Variants in RELN observed in about 807,000 individuals in gnomAD.
The protein encoded by RELN is reelin.
Under a neutral mutation model 427.6 loss-of-function variants are expected in RELN, and 108 were observed. The ratio of observed to expected loss-of-function variants is 0.25; its 90% CI spans 0.22 to 0.30. The LOEUF (loss-of-function observed/expected upper bound fraction) is 0.30. Among genes scored for constraint, RELN ranks in the 10% least tolerant of loss-of-function variants. The probability of loss-of-function intolerance (pLI) is 1.00; values close to 1 mark genes in which losing one functional copy is unlikely to be tolerated. For synonymous variants in RELN, 1,524 were observed against 1,513.4 expected (o/e 1.01, Z -0.16); for missense variants, 3,715 against 4,302.8 (o/e 0.86, Z 3.82).
intron 51 of RELN, among the ~76,000 whole-genome samples, chr7:103,508,542 C>T (rs1829292794): frequency 1.3e-5 from 2 of 152,192 alleles, no homozygotes; most frequent in Non-Finnish European, 2.9e-5. Context: ...CAGCCAATAT[C>T]ATACTGAATG....
At chr7:103,500,697 A>G (rs759664231) in intron 53 of RELN, 48 bp downstream of exon 53, 4 of 1,598,226 alleles carry the variant, frequency 2.5e-6, no homozygotes, top group East Asian at 2.2e-5. Context: ...GTTCCTAGGC[A>G]TGACCCATGA....
intron 4 of RELN, among the ~76,000 whole-genome samples, chr7:103,773,772 C>T (rs1417457257): frequency 2.0e-5 from 3 of 151,880 alleles, no homozygotes; most frequent in Non-Finnish European, 4.4e-5. Context: ...GCGCGGCCTC[C>T]TCTCCTTTTC....
At chr7:103,986,984 T>A (rs1007129587) in intron 1 of RELN, among the ~76,000 whole-genome samples, 19 of 147,866 alleles carry the variant, frequency 1.3e-4, no homozygotes, top group South Asian at 2.2e-4. Context: ...CTGAATTTTT[T>A]AAATTAATTT....
At chr7:103,477,777 T>C (rs1828087075) in intron 64 of RELN, among the ~76,000 whole-genome samples, 1 of 152,230 alleles carries the variant, frequency 6.6e-6, no homozygotes, top group African/African-American at 2.4e-5. Context: ...TTTTGCCTTC[T>C]TAAATTTTAA....
intron 40 of RELN, among the ~76,000 whole-genome samples, chr7:103,551,669 G>C (rs1411776479): frequency 6.6e-6 from 1 of 152,006 alleles, no homozygotes; most frequent in African/African-American, 2.4e-5. Flanking sequence ...CCCCCATCTA[G>C]GTAGGATACC....
At chr7:103,779,979 G>A (rs1378441429) in intron 3 of RELN, among the ~76,000 whole-genome samples, 3 of 152,208 alleles carry the variant, frequency 2.0e-5, no homozygotes, top group Non-Finnish European at 4.4e-5. Flanking sequence ...GCCTGCCTCA[G>A]CCTCCCAAAG....
Position 103,749,460 on chromosome 7 carries a change from A to G in RELN, c.622T>C (p.Ser208Pro). ...GGATTTAATTGCAGTTGGTGGTAGG[A>G]GTCAAAGTCATCTCTCAGGATAATG... ...DSIILRDDFD[S>P]YHQLQLNPNI... is the part of the protein sequence containing the mutation. Residue 208 changes from serine to proline, a missense_variant, in exon 6 of 65, where the codon TCC (serine) becomes CCC (proline). By Grantham distance (74) the Ser-to-Pro change is moderately conservative (BLOSUM62 -1). Transcript: ENST00000428762. The G allele has an allele frequency of 6.2e-7, 1 of 1,613,232 alleles. No individual in the cohort carries two copies. The highest frequency in any genetic ancestry group is 8.5e-7 in the Non-Finnish European group (1 of 1,179,250).
intron 3 of RELN, among the ~76,000 whole-genome samples, chr7:103,831,081 T>C (rs918404379): frequency 5.3e-5 from 8 of 152,170 alleles, no homozygotes; most frequent in African/African-American, 1.9e-4. Flanking sequence ...AGTGAGATCA[T>C]AAGCTATCAA....
chr7:103,915,744 TTTTG>T (rs1214436717), intron 2 of RELN, among the ~76,000 whole-genome samples: 2 of 152,186 alleles, frequency 1.3e-5, no homozygotes, highest in African/African-American at 4.8e-5. Context: ...ACTAAAAAAA[TTTTG>T]TTTACCTAAA....
chr7:103,649,652 C>A (rs1007115964), intron 16 of RELN, among the ~76,000 whole-genome samples: 1 of 151,834 alleles, frequency 6.6e-6, no homozygotes, highest in African/African-American at 2.4e-5. Flanking sequence ...ACATGCAACC[C>A]AAGAGCTTAA....
chr7:103,569,682 C>T lies in RELN; in HGVS notation c.4588+2502G>A, dbSNP rs111507308. On this transcript the variant is annotated intron_variant, in intron 31 of 64. Coordinates refer to ENST00000428762, the MANE Select transcript of RELN (RefSeq NM_005045.4). The surrounding 1 kb of genome is among the most constrained non-coding windows in gnomAD (Gnocchi z 4.0). ...AACAAGGTCTGCAGAGATGAGGGCC[C>T]CAATTCCAAAGGACAAAGAAGGAGA... 0.02 allele frequency among the ~76,000 whole-genome samples: 3,027 copies of T among 152,176 alleles called. 47 individuals are homozygous for T. Among genetic ancestry groups the T allele is most frequent in the Middle Eastern group, 0.037 (11 of 294 alleles).
At chr7:103,669,121 A>G (rs181986593) in intron 11 of RELN, among the ~76,000 whole-genome samples, 15 of 152,278 alleles carry the variant, frequency 9.9e-5, no homozygotes, top group Admixed American at 5.9e-4. Flanking sequence ...TAAGTCTGAC[A>G]TATCCATTTT....
intron 1 of RELN, among the ~76,000 whole-genome samples, chr7:103,927,089 C>T (rs1795761813): frequency 6.6e-6 from 1 of 152,110 alleles, no homozygotes; most frequent in South Asian, 2.1e-4. Context: ...ATATGGCATA[C>T]AAATGATTAA....
At chr7:103,793,052 G>C (rs1053092143) in intron 3 of RELN, among the ~76,000 whole-genome samples, 2 of 152,078 alleles carry the variant, frequency 1.3e-5, no homozygotes, top group Non-Finnish European at 2.9e-5. Context: ...GGTGACCCAA[G>C]GAAACTATAA....
chr7:103,825,796 T>C (rs1376390930), intron 3 of RELN, among the ~76,000 whole-genome samples: 4 of 152,128 alleles, frequency 2.6e-5, no homozygotes, highest in Non-Finnish European at 1.5e-5. Flanking sequence ...TTAATTTTAA[T>C]GAATTCAAAC....
intron 1 of RELN, among the ~76,000 whole-genome samples, chr7:103,938,682 C>T (rs1021302176): frequency 6.6e-6 from 1 of 152,162 alleles, no homozygotes; most frequent in African/African-American, 2.4e-5. Context: ...ATACAGGAAT[C>T]GTAGTCTGAC....
chr7:103,545,164 TA>T lies in RELN; in HGVS notation c.6482del (p.Ile2161LysfsTer17). The stretch of plus-strand genomic sequence containing the variant: ...TGAGAAAATCAGGATTTTTGGTGCT[TA>T]TTTTACAGGTTGGACCTGAGTAGCC... ...DPGYSGPTCKISTKNPDFLKD... is the reference protein window; with the variant it reads ...DPGYSGPTCKXSTKNPDFLKD... On this transcript the variant is annotated frameshift_variant, in exon 42 of 65. Transcript: ENST00000428762. LOFTEE classifies it high-confidence loss of function. 6.2e-7 allele frequency: 1 copy of T among 1,614,108 alleles called. No individual in the cohort carries two copies. Among genetic ancestry groups the T allele is most frequent in the Non-Finnish European group, 8.5e-7 (1 of 1,180,040 alleles).
intron 4 of RELN, among the ~76,000 whole-genome samples, chr7:103,755,113 G>A (rs1258015262): frequency 6.6e-6 from 1 of 151,806 alleles, no homozygotes; most frequent in Non-Finnish European, 1.5e-5. Flanking sequence ...ATCTTATATG[G>A]AGATGAGGAC....
chr7:103,630,283 C>A, intron 19 of RELN, 107 bp from the exon 20 acceptor site: 2 of 784,134 alleles, frequency 2.6e-6, no homozygotes. Flanking sequence ...AGAAATAGTT[C>A]TCCCATGATT....
Sources: allele counts gnomAD v4.1 joint callset (sites outside exome capture counted in the v4.1 genomes callset), GRCh38; gene constraint gnomAD v4.1.1; non-coding constraint Gnocchi (gnomAD v3.1); transcripts MANE v1.5; gene names NCBI Gene and HGNC (gene_info 2026-07-23, HGNC 2026-07-21).